The following DLGAP4 variants were observed in gnomAD, a reference collection of about 807,000 sequenced individuals.
The protein encoded by DLGAP4 is disks large-associated protein 4.
DLGAP4 carries 18 observed loss-of-function variants against 86.9 expected under a neutral mutation model. That is an observed-to-expected ratio of 0.21 (90% CI 0.14 to 0.31). The LOEUF (loss-of-function observed/expected upper bound fraction) is 0.31, where lower values mean the gene tolerates loss of function less well. Among genes scored for constraint, DLGAP4 ranks in the 10% least tolerant of loss-of-function variants. The pLI, the probability that DLGAP4 is intolerant of heterozygous loss-of-function variation, is 1.00. For synonymous variants in DLGAP4, 548 were observed against 574.3 expected, an observed-to-expected ratio of 0.95 and a Z score of 0.65; for missense variants, 1,085 against 1,362.6, an observed-to-expected ratio of 0.80 and a Z score of 3.21.
At chr20:36,319,012 G>A (rs140328877) in intron 1 of DLGAP4, among the ~76,000 whole-genome samples, 8 of 151,976 alleles carry the variant, frequency 5.3e-5, no homozygotes, top group African/African-American at 1.9e-4. Flanking sequence ...GCATGGTGGT[G>A]CACGCCTGTA....
intron 10 of DLGAP4, among the ~76,000 whole-genome samples, chr20:36,502,454 A>C (rs1216272449): frequency 6.6e-6 from 1 of 152,140 alleles, no homozygotes; most frequent in Non-Finnish European, 1.5e-5. Flanking sequence ...GGCCGAAGTA[A>C]TCCTCTCACC....
chr20:36,331,656 A>T (rs1334021027), intron 1 of DLGAP4, among the ~76,000 whole-genome samples: 5 of 152,196 alleles, frequency 3.3e-5, no homozygotes, highest in African/African-American at 1.2e-4. Context: ...TTACCCACTC[A>T]CAGGTGTTTA....
At chr20:36,466,807 C>T (rs572582113) in intron 7 of DLGAP4, among the ~76,000 whole-genome samples, 2 of 152,342 alleles carry the variant, frequency 1.3e-5, no homozygotes, top group African/African-American at 2.4e-5. Flanking sequence ...CGGGCTCCCT[C>T]GTCTCTGTAC....
intron 1 of DLGAP4, among the ~76,000 whole-genome samples, chr20:36,320,173 C>T (rs2065153553): frequency 8.6e-6 from 1 of 116,566 alleles, no homozygotes; most frequent in Non-Finnish European, 1.8e-5. Context: ...CTCTCCCAGG[C>T]CCCCCTCTGT....
intron 7 of DLGAP4, among the ~76,000 whole-genome samples, chr20:36,479,472 T>C (rs2035089618): frequency 6.6e-6 from 1 of 151,832 alleles, no homozygotes; most frequent in South Asian, 2.1e-4. Flanking sequence ...TTTGTAAAAA[T>C]AGTGTGGTGG....
At chr20:36,365,110 A>T (rs1426683836) in intron 1 of DLGAP4, among the ~76,000 whole-genome samples, 3 of 152,174 alleles carry the variant, frequency 2.0e-5, no homozygotes, top group African/African-American at 7.2e-5. Flanking sequence ...ATAAAAAAGA[A>T]GAAGAAGAAG....
At chr20:36,316,576 C>T (rs1036986202) in intron 1 of DLGAP4, among the ~76,000 whole-genome samples, 2 of 152,190 alleles carry the variant, frequency 1.3e-5, no homozygotes, top group African/African-American at 2.4e-5. Flanking sequence ...GGTCTCCCAC[C>T]GGGCAGAGGC....
At chr20:36,495,249 A>G (rs1436463364) in intron 7 of DLGAP4, among the ~76,000 whole-genome samples, 1 of 152,132 alleles carries the variant, frequency 6.6e-6, no homozygotes, top group Non-Finnish European at 1.5e-5. Context: ...TGATGTTGTC[A>G]CTTTTTAGCC....
At chr20:36,439,674 C>A in intron 4 of DLGAP4, 80 bp from the exon 5 acceptor site, 1 of 1,201,778 alleles carries the variant, frequency 8.3e-7, no homozygotes, top group Non-Finnish European at 1.2e-6. Context: ...ACCACCTGTG[C>A]ATCACAGATG....
chr20:36,484,139 G>A (rs1245632477), intron 7 of DLGAP4, among the ~76,000 whole-genome samples: 1 of 152,202 alleles, frequency 6.6e-6, no homozygotes, highest in African/African-American at 2.4e-5. Flanking sequence ...AGCCTCAGGG[G>A]TTTTTTGTTT....
chr20:36,429,554 C>G (rs1306881083), intron 2 of DLGAP4, among the ~76,000 whole-genome samples: 1 of 151,734 alleles, frequency 6.6e-6, no homozygotes, highest in Admixed American at 6.6e-5. Flanking sequence ...ATTACAAGCA[C>G]ACACCCCACA....
At chr20:36,509,573 A>T (rs1569523404) in intron 10 of DLGAP4, among the ~76,000 whole-genome samples, 1 of 151,946 alleles carries the variant, frequency 6.6e-6, no homozygotes, top group East Asian at 1.9e-4. Context: ...TCCATCTCAA[A>T]AAATAAATAA....
At chr20:36,488,880 C>A (rs2035536415) in intron 7 of DLGAP4, among the ~76,000 whole-genome samples, 1 of 152,204 alleles carries the variant, frequency 6.6e-6, no homozygotes, top group African/African-American at 2.4e-5. Flanking sequence ...CTGAAAGATT[C>A]TTTACTTAAT....
intron 1 of DLGAP4, among the ~76,000 whole-genome samples, chr20:36,351,307 C>T (rs898204542): frequency 1.3e-5 from 2 of 152,186 alleles, no homozygotes; most frequent in Non-Finnish European, 2.9e-5. Flanking sequence ...GGTCCGTGGC[C>T]TGTTAGGAAC....
intron 10 of DLGAP4, among the ~76,000 whole-genome samples, chr20:36,516,044 C>T: frequency 6.6e-6 from 1 of 151,524 alleles, no homozygotes; most frequent in Admixed American, 6.5e-5. Context: ...TGCATTCCAG[C>T]CAGCAAAGGA....
At chr20:36,467,048 CTCTCTCTCTCTCT>C (rs1569509648) in intron 7 of DLGAP4, among the ~76,000 whole-genome samples, 25 of 134,740 alleles carry the variant, frequency 1.9e-4, no homozygotes, top group Non-Finnish European at 3.3e-4. Context: ...CTCTCTCTCT[CTCTCTCTCTCTCT>C]CTCCCCCCCC....
At chr20:36,512,047 AT>A (rs72011781) in intron 10 of DLGAP4, among the ~76,000 whole-genome samples, 8,477 of 115,916 alleles carry the variant, frequency 0.073, 1,021 homozygotes, top group African/African-American at 0.29. Flanking sequence ...TGTCTCTCTG[AT>A]TTTTTTTTTT....
At chr20:36,339,447 G>T (rs558092613) in intron 1 of DLGAP4, among the ~76,000 whole-genome samples, 1 of 152,268 alleles carries the variant, frequency 6.6e-6, no homozygotes, top group South Asian at 2.1e-4. Context: ...GAGTGCAGTG[G>T]CACGATCTCC....
intron 10 of DLGAP4, among the ~76,000 whole-genome samples, chr20:36,512,195 T>C (rs886765558): frequency 1.3e-5 from 2 of 151,356 alleles, no homozygotes; most frequent in African/African-American, 2.4e-5. Context: ...GGACTACAGG[T>C]GCCCACCACC....
Sources: allele counts gnomAD v4.1 joint callset (sites outside exome capture counted in the v4.1 genomes callset), GRCh38; gene constraint gnomAD v4.1.1; transcripts MANE v1.5; gene names NCBI Gene and HGNC (gene_info 2026-07-23, HGNC 2026-07-21).